ARHGAP24: variants seen among roughly 807,000 people sequenced by gnomAD.
The protein encoded by ARHGAP24 is Rho GTPase activating protein 24.
Under a neutral mutation model 76.4 loss-of-function variants are expected in ARHGAP24, and 50 were observed. The ratio of observed to expected loss-of-function variants is 0.65; its 90% CI spans 0.52 to 0.83. ARHGAP24 has a LOEUF of 0.83. ARHGAP24 is among the 40% of genes least tolerant of loss of function. ARHGAP24 has a pLI of 0.00. For synonymous variants in ARHGAP24, 345 were observed against 323.3 expected (o/e 1.07, Z -0.72); for missense variants, 930 against 914.2 (o/e 1.02, Z -0.22).
At chr4:85,514,009 G>A (rs896144641) in intron 1 of ARHGAP24, among the ~76,000 whole-genome samples, 14 of 152,134 alleles carry the variant, frequency 9.2e-5, no homozygotes, top group Non-Finnish European at 1.9e-4. Flanking sequence ...CCTGTTTTCT[G>A]TCTCTGGAAA....
chr4:85,496,333 A>G (rs1249104182), intron 1 of ARHGAP24, among the ~76,000 whole-genome samples: 1 of 152,244 alleles, frequency 6.6e-6, no homozygotes, highest in African/African-American at 2.4e-5. Flanking sequence ...TAAAACAGAA[A>G]CAGCTTGTGA....
chr4:85,494,824 C>T (rs935830453), intron 1 of ARHGAP24, among the ~76,000 whole-genome samples: 3 of 151,382 alleles, frequency 2.0e-5, no homozygotes, highest in Non-Finnish European at 2.9e-5. Flanking sequence ...CCTGGCCGGG[C>T]GCGATGGCTC....
intron 2 of ARHGAP24, among the ~76,000 whole-genome samples, chr4:85,621,748 T>G (rs987662604): frequency 6.6e-6 from 1 of 152,208 alleles, no homozygotes; most frequent in Admixed American, 6.5e-5. Flanking sequence ...TATTCTGCTG[T>G]GCGCAAGCTC....
intron 3 of ARHGAP24, among the ~76,000 whole-genome samples, chr4:85,782,143 G>A (rs1416769935): frequency 1.3e-5 from 2 of 150,874 alleles, no homozygotes; most frequent in East Asian, 1.9e-4. Flanking sequence ...ATTTTAAAAT[G>A]AAATGTTATT....
At chr4:85,506,812 A>G (rs34530269) in intron 1 of ARHGAP24, among the ~76,000 whole-genome samples, 3,434 of 151,884 alleles carry the variant, frequency 0.023, 67 homozygotes, top group Non-Finnish European at 0.034. Flanking sequence ...TGAAGAAATC[A>G]CCCGTCTTCT....
At chr4:85,642,004 C>T (rs1721541082) in intron 2 of ARHGAP24, among the ~76,000 whole-genome samples, 1 of 152,150 alleles carries the variant, frequency 6.6e-6, no homozygotes, top group Non-Finnish European at 1.5e-5. Context: ...AAGGCCTGTC[C>T]ATTCAATGTC....
At chr4:85,820,281 A>G (rs1729413996) in intron 3 of ARHGAP24, among the ~76,000 whole-genome samples, 1 of 152,266 alleles carries the variant, frequency 6.6e-6, no homozygotes, top group African/African-American at 2.4e-5. Context: ...TGATACATAC[A>G]TACTGTGGAA....
chr4:85,664,464 C>T (rs200472608), intron 2 of ARHGAP24, among the ~76,000 whole-genome samples: 10 of 151,018 alleles, frequency 6.6e-5, no homozygotes, highest in East Asian at 5.8e-4. Flanking sequence ...AAAAACCAGC[C>T]CCTGGATTCA....
intron 1 of ARHGAP24, among the ~76,000 whole-genome samples, chr4:85,533,299 A>G (rs544899475): frequency 6.6e-6 from 1 of 152,318 alleles, no homozygotes; most frequent in African/African-American, 2.4e-5. Context: ...TTTTGTCCAT[A>G]AAGAAATCTC....
intron 1 of ARHGAP24, among the ~76,000 whole-genome samples, chr4:85,544,443 G>T: frequency 1.3e-5 from 2 of 152,108 alleles, no homozygotes; most frequent in South Asian, 4.2e-4. Flanking sequence ...TAAGCTGATG[G>T]TCTAAATGTG....
chr4:85,517,310 T>C (rs1724547981), intron 1 of ARHGAP24, among the ~76,000 whole-genome samples: 1 of 152,296 alleles, frequency 6.6e-6, no homozygotes. Context: ...AGCCCCCCTC[T>C]CATTTTAAGC....
intron 3 of ARHGAP24, among the ~76,000 whole-genome samples, chr4:85,880,096 C>G (rs28739471): frequency 0.068 from 10,284 of 152,108 alleles, 469 homozygotes; most frequent in African/African-American, 0.11. Context: ...ACATGCATAC[C>G]TATGATAGAG....
rs376118883 is a variant in ARHGAP24, at chr4:86,000,579, C to A, written c.2104C>A (p.Arg702=). The change falls in exon 10 of 10, where the codon CGA becomes AGA. Residue 702 remains arginine, a synonymous_variant. Coordinates refer to ENST00000395184, the MANE Select transcript of ARHGAP24 (RefSeq NM_001025616.3). ...GTTCACAATGATAGAAATAAAAATG[C>A]GAAATGCCGAGCGAGCAAAAGAAGA... ...KKFTMIEIKM[R]NAERAKEDAE... 1.9e-5 allele frequency: 31 copies of A among 1,611,600 alleles called. No homozygotes were observed. The highest frequency in any genetic ancestry group is 2.5e-5 in the Non-Finnish European group (30 of 1,179,122).
At chr4:85,711,948 A>G (rs578139308) in intron 2 of ARHGAP24, among the ~76,000 whole-genome samples, 11 of 152,296 alleles carry the variant, frequency 7.2e-5, no homozygotes, top group East Asian at 1.9e-4. Context: ...TAAATATTGC[A>G]TAGCTATGAC....
At chr4:85,895,683 G>T (rs1375056718) in intron 3 of ARHGAP24, among the ~76,000 whole-genome samples, 2 of 151,900 alleles carry the variant, frequency 1.3e-5, no homozygotes, top group African/African-American at 4.8e-5. Context: ...TACCCTTTTT[G>T]AAATTAGAGG....
intron 3 of ARHGAP24, among the ~76,000 whole-genome samples, chr4:85,813,446 A>C (rs886186735): frequency 2.6e-5 from 4 of 152,094 alleles, no homozygotes; most frequent in African/African-American, 9.7e-5. Context: ...TTTAGGCCTG[A>C]CTCAGATGGT....
At chr4:85,743,866 T>C (rs557383373) in intron 3 of ARHGAP24, among the ~76,000 whole-genome samples, 2 of 152,308 alleles carry the variant, frequency 1.3e-5, no homozygotes, top group South Asian at 4.1e-4. Context: ...TTATCATTAA[T>C]TAGCAACTAC....
At chr4:85,643,244 T>G (rs1381695277) in intron 2 of ARHGAP24, among the ~76,000 whole-genome samples, 558 of 3,744 alleles carry the variant, frequency 0.15, 72 homozygotes, top group African/African-American at 0.24. Flanking sequence ...GTTTTTTTTT[T>G]TTTTTTTTTT....
At chr4:85,818,946 A>G (rs1417893062) in intron 3 of ARHGAP24, among the ~76,000 whole-genome samples, 2 of 152,194 alleles carry the variant, frequency 1.3e-5, no homozygotes, top group African/African-American at 4.8e-5. Context: ...TCTTCACAAC[A>G]GATTGCCGTT....
Sources: gnomAD v4.1 joint callset for allele counts (sites outside exome capture counted in the v4.1 genomes callset) on GRCh38, gnomAD v4.1.1 for gene constraint, MANE v1.5 for transcripts, NCBI Gene and HGNC (gene_info 2026-07-23, HGNC 2026-07-21) for gene names.